The following NRDC variants were observed in gnomAD, a reference collection of about 807,000 sequenced individuals.
NRDC encodes the protein nardilysin convertase, also known as nardilysin.
A neutral mutation model predicts 147.1 loss-of-function variants in NRDC; 54 were observed. The observed-to-expected ratio is 0.37, with a 90% CI of 0.29 to 0.46. The LOEUF is 0.46. NRDC is among the 20% of genes least tolerant of loss of function. The pLI is 1.00. For missense variants in NRDC, 1,082 were observed against 1,370.6 expected (o/e 0.79, Z 3.33); for synonymous variants, 440 against 482.1 (o/e 0.91, Z 1.14).
chr1:51,790,406 G>C (rs1187692995), intron 29 of NRDC, 127 bp downstream of exon 29: 1 of 703,146 alleles, frequency 1.4e-6, no homozygotes, highest in Admixed American at 2.3e-5. Flanking sequence ...AAGTGAGCGA[G>C]TAATCAGGCC....
At chr1:51,796,503 G>A (rs1315331969) in intron 22 of NRDC, among the ~76,000 whole-genome samples, 2 of 151,938 alleles carry the variant, frequency 1.3e-5, no homozygotes, top group African/African-American at 4.8e-5. Context: ...GCCTCCCAAA[G>A]TGCTGGGATT....
intron 1 of NRDC, among the ~76,000 whole-genome samples, chr1:51,849,792 G>A (rs1681848783): frequency 6.6e-6 from 1 of 151,984 alleles, no homozygotes; most frequent in South Asian, 2.1e-4. Flanking sequence ...CTCCAGCCGG[G>A]GCGACAGAGC....
At chr1:51,875,822 G>T (rs1231254097) in intron 1 of NRDC, among the ~76,000 whole-genome samples, 1 of 152,044 alleles carries the variant, frequency 6.6e-6, no homozygotes, top group Non-Finnish European at 1.5e-5. Context: ...CCAAGTGCTG[G>T]GATTACAGGC....
At chr1:51,857,190 A>G (rs965490133) in intron 1 of NRDC, among the ~76,000 whole-genome samples, 3 of 152,240 alleles carry the variant, frequency 2.0e-5, no homozygotes, top group Non-Finnish European at 4.4e-5. Context: ...AACTAGATGT[A>G]TAAACAGATC....
intron 18 of NRDC, among the ~76,000 whole-genome samples, chr1:51,806,410 T>C (rs1679466744): frequency 6.6e-6 from 1 of 152,162 alleles, no homozygotes; most frequent in Non-Finnish European, 1.5e-5. Flanking sequence ...GAAAAAAATC[T>C]AAAAACGATT....
rs201227691 is a variant in NRDC, at chr1:51,791,601, C to G, written c.2937G>C (p.Val979=). 1.6e-5 allele frequency: 26 copies of G among 1,613,754 alleles called. No homozygotes were observed. The highest frequency in any genetic ancestry group is 2.1e-5 in the Non-Finnish European group (25 of 1,179,664). The change falls in exon 27 of 31, where the codon GTG becomes GTC. Residue 979 remains valine (V), a synonymous_variant. Coordinates refer to ENST00000352171, the MANE Select transcript of NRDC (RefSeq NM_001101662.2). The part of the protein sequence containing the change: ...TSGILGFSVT[V]GTQATKYNSE... ...ACTTGTATTTGGTTGCCTGAGTCCC[C>G]ACAGTGACAGAAAATCCTAGAATCC...
At chr1:51,797,418 T>G (rs1192763319) in intron 22 of NRDC, among the ~76,000 whole-genome samples, 1 of 152,230 alleles carries the variant, frequency 6.6e-6, no homozygotes, top group Admixed American at 6.5e-5. Flanking sequence ...TGGAATCATA[T>G]CTGTACTTTA....
intron 4 of NRDC, among the ~76,000 whole-genome samples, chr1:51,830,572 C>G (rs1330716262): frequency 6.6e-6 from 1 of 152,210 alleles, no homozygotes; most frequent in East Asian, 1.9e-4. Flanking sequence ...CCAGAATACT[C>G]AGGCACTTGG....
intron 14 of NRDC, among the ~76,000 whole-genome samples, chr1:51,813,327 A>G (rs1679815510): frequency 6.6e-6 from 1 of 152,224 alleles, no homozygotes; most frequent in African/African-American, 2.4e-5. Context: ...CAGGTCCTTC[A>G]GATACCAAGT....
At chr1:51,795,064 G>T in intron 22 of NRDC, 1 of 1,460,816 alleles carries the variant, frequency 6.8e-7, no homozygotes, top group Non-Finnish European at 9.1e-7. Flanking sequence ...TAACTGTTCT[G>T]GCTCTCTTGG....
chr1:51,814,837 C>A, intron 11 of NRDC, 24 bp from the exon 12 acceptor site: 1 of 1,550,606 alleles, frequency 6.4e-7, no homozygotes, highest in Non-Finnish European at 8.7e-7. Context: ...AAAAATTAAC[C>A]CAATCAATGT....
At chr1:51,821,430 G>C in intron 8 of NRDC, 68 bp downstream of exon 8, 1 of 1,056,016 alleles carries the variant, frequency 9.5e-7, no homozygotes, top group Non-Finnish European at 1.4e-6. Flanking sequence ...AAAAACCTTT[G>C]GGACTCATAC....
At chr1:51,829,463 TCTTC>T (rs1180468630) in intron 4 of NRDC, among the ~76,000 whole-genome samples, 11 of 152,378 alleles carry the variant, frequency 7.2e-5, no homozygotes, top group African/African-American at 2.4e-4. Context: ...GTGTAACTCA[TCTTC>T]CTTTGAAGAA....
chr1:51,794,994 G>A (rs1000368421), intron 22 of NRDC, 140 bp from the exon 23 acceptor site: 4 of 1,521,236 alleles, frequency 2.6e-6, no homozygotes, highest in African/African-American at 2.8e-5. Flanking sequence ...CCTAAATGCT[G>A]GCAAGTTATT....
Position 51,806,910 on chromosome 1 carries a change from G to A in NRDC, c.1994C>T (p.Thr665Met), listed in dbSNP as rs199742875. 10 of 1,612,228 alleles carry A rather than the reference G, an allele frequency of 6.2e-6. No individual in the cohort carries two copies. In the East Asian group the frequency reaches 1.8e-4, roughly 29 times the overall value. ...ATCGAAAGCCTTCAACGTAAAGTCC[G>A]TGGCTAATAAAAGAAGATAATAATA... ...HLPAENKYIA[T>M]DFTLKAFDCP... The change falls in exon 18 of 31, where the codon ACG becomes ATG. Residue 665 changes from threonine (T) to methionine (M), a missense_variant. Coordinates refer to ENST00000352171, the MANE Select transcript of NRDC (RefSeq NM_001101662.2).
At position 51,790,515 on chromosome 1, in the gene NRDC, C is replaced by T; in HGVS notation, c.3168+18G>A. On this transcript the variant is annotated intron_variant, in intron 29 of 30. Transcript: ENST00000352171. ...ACCTTGACCAGTTTGAGCTGTCTTA[C>T]TCTGAAAACCATGTTACCTCGTGGG... 6.6e-7 allele frequency: 1 copy of T among 1,526,152 alleles called. No homozygotes were observed. Among genetic ancestry groups the T allele is most frequent in the Non-Finnish European group, 9.1e-7 (1 of 1,100,402 alleles). The allele number at this position is 1,526,152 out of a possible 1,614,324, so 94.5% of individuals were successfully genotyped here. A position where few individuals can be genotyped will look rare whatever the true frequency, so the allele number is the denominator to read the frequency against.
chr1:51,817,872 GA>G (rs1489017169), intron 10 of NRDC, among the ~76,000 whole-genome samples, 193 bp downstream of exon 10: 1 of 152,188 alleles, frequency 6.6e-6, no homozygotes, highest in Non-Finnish European at 1.5e-5. Context: ...CTATAACTGA[GA>G]AAGCTCTAGT....
intron 1 of NRDC, among the ~76,000 whole-genome samples, chr1:51,870,731 GTCACC>G (rs1174552983): frequency 6.6e-6 from 1 of 151,854 alleles, no homozygotes; most frequent in Non-Finnish European, 1.5e-5. Flanking sequence ...GATTAATCCT[GTCACC>G]TCACAACTAT....
chr1:51,814,403 G>A (rs1391380102), intron 13 of NRDC, 148 bp downstream of exon 13: 1 of 690,674 alleles, frequency 1.4e-6, no homozygotes, highest in African/African-American at 1.8e-5. Context: ...CACATGTAGA[G>A]GGATAAGGAT....
Sources: allele counts gnomAD v4.1 joint callset (sites outside exome capture counted in the v4.1 genomes callset), GRCh38; gene constraint gnomAD v4.1.1; transcripts MANE v1.5; gene names NCBI Gene and HGNC (gene_info 2026-07-23, HGNC 2026-07-21).